The following CD8B variants were observed in gnomAD, a reference collection of about 807,000 sequenced individuals.
CD8B encodes the protein CD8 subunit beta.
A neutral mutation model predicts 24.2 loss-of-function variants in CD8B; 6 were observed. The observed-to-expected ratio is 0.25, with a 90% CI of 0.14 to 0.49. The LOEUF is 0.49. Among genes scored for constraint, CD8B ranks in the 20% least tolerant of loss-of-function variants. The pLI, the probability that CD8B is intolerant of heterozygous loss-of-function variation, is 0.98. For missense variants in CD8B, 196 were observed against 271.3 expected, an observed-to-expected ratio of 0.72 and a Z score of 1.95; for synonymous variants, 84 against 108.3, an observed-to-expected ratio of 0.78 and a Z score of 1.39.
intron 4 of CD8B, among the ~76,000 whole-genome samples, chr2:86,845,198 A>G (rs910107765): frequency 2.6e-5 from 4 of 152,206 alleles, no homozygotes; most frequent in African/African-American, 9.7e-5. Context: ...AGAGTGAGTG[A>G]ATTACTGGAT....
downstream of CD8B, among the ~76,000 whole-genome samples, chr2:86,836,205 C>T (rs1489331470): frequency 6.6e-6 from 1 of 152,044 alleles, no homozygotes; most frequent in African/African-American, 2.4e-5. Flanking sequence ...TTGTGGGGGC[C>T]TAAGGACTTT....
At chr2:86,851,369 A>G (rs1417256817) in intron 3 of CD8B, among the ~76,000 whole-genome samples, 1 of 152,128 alleles carries the variant, frequency 6.6e-6, no homozygotes, top group Non-Finnish European at 1.5e-5. Context: ...CAGCCGTAGC[A>G]CACAACCGGT....
intron 5 of CD8B, among the ~76,000 whole-genome samples, chr2:86,831,327 G>A (rs1003556307): frequency 2.6e-5 from 4 of 151,996 alleles, no homozygotes; most frequent in Non-Finnish European, 5.9e-5. Context: ...TCGACCTCCC[G>A]AAATGCTAGG....
downstream of CD8B, among the ~76,000 whole-genome samples, chr2:86,835,719 C>G (rs533583519): frequency 3.9e-3 from 581 of 150,696 alleles, no homozygotes; most frequent in African/African-American, 0.013. Context: ...CTCACCCAAC[C>G]GCAGAGACCT....
chr2:86,847,301 C>T (rs1201468122), intron 3 of CD8B, among the ~76,000 whole-genome samples: 1 of 152,020 alleles, frequency 6.6e-6, no homozygotes, highest in Non-Finnish European at 1.5e-5. Flanking sequence ...ATTTCATGTC[C>T]CACATTCAAA....
chr2:86,844,079 A>G (rs1319628115), intron 5 of CD8B, among the ~76,000 whole-genome samples: 2 of 152,228 alleles, frequency 1.3e-5, no homozygotes, highest in Non-Finnish European at 2.9e-5. Flanking sequence ...AAATGCAGGA[A>G]TGCTGCCCTG....
rs762132342 is a variant in CD8B at position 86,858,295 on chromosome 2, C to T, written c.165G>A (p.Leu55=). ...ISLSNMRIYW[L]RQRQAPSSDS... ...CACTGCTCGGTGCCTGGCGCTGTCT[C>T]AGCCAGTAGATGCGCATGTTACTGA... Residue 55 remains leucine, a synonymous_variant, in exon 2 of 6, where the codon CTG becomes CTA. Transcript: ENST00000390655. The T allele has an allele frequency of 6.2e-7, 1 of 1,614,030 alleles. No homozygotes were observed. Among genetic ancestry groups the T allele is most frequent in the South Asian group, 1.1e-5 (1 of 91,076 alleles).
chr2:86,829,266 C>G (rs1674816290), intron 5 of CD8B, among the ~76,000 whole-genome samples: 1 of 151,626 alleles, frequency 6.6e-6, no homozygotes, highest in African/African-American at 2.4e-5. Context: ...GCCACCATGC[C>G]CGGCTAATTT....
downstream of CD8B, among the ~76,000 whole-genome samples, chr2:86,835,955 C>T (rs910852087): frequency 2.0e-5 from 3 of 151,874 alleles, no homozygotes; most frequent in African/African-American, 4.8e-5. Flanking sequence ...AATGAAAGCC[C>T]GTGGGGTTAG....
chr2:86,845,120 G>T, intron 4 of CD8B, among the ~76,000 whole-genome samples, 162 bp from the exon 5 acceptor site: 1 of 152,236 alleles, frequency 6.6e-6, no homozygotes, highest in East Asian at 1.9e-4. Flanking sequence ...TCCCCTTAAT[G>T]CTCACTGAAA....
intron 5 of CD8B, among the ~76,000 whole-genome samples, chr2:86,824,840 A>G (rs944550186): frequency 6.6e-6 from 1 of 152,138 alleles, no homozygotes; most frequent in Admixed American, 6.5e-5. Context: ...CGCTTCCAGA[A>G]TCTTTAGAAC....
chr2:86,822,535 C>T (rs1239106573), intron 5 of CD8B, among the ~76,000 whole-genome samples: 3 of 152,132 alleles, frequency 2.0e-5, no homozygotes, highest in African/African-American at 7.2e-5. Flanking sequence ...GAAAGGTTGA[C>T]AAGGAAAACG....
intron 5 of CD8B, among the ~76,000 whole-genome samples, chr2:86,826,531 C>A (rs980720881): frequency 6.6e-6 from 1 of 152,100 alleles, no homozygotes; most frequent in Non-Finnish European, 1.5e-5. Flanking sequence ...TGGCCATGGA[C>A]TTGGGTGCAT....
At chr2:86,857,590 C>G (rs1353848045) in intron 2 of CD8B, among the ~76,000 whole-genome samples, 1 of 152,082 alleles carries the variant, frequency 6.6e-6, no homozygotes, top group Non-Finnish European at 1.5e-5. Flanking sequence ...TGTGGTGGCT[C>G]ATGCCTGTAA....
At chr2:86,817,452 A>G (rs1674297868) in intron 5 of CD8B, among the ~76,000 whole-genome samples, 1 of 152,214 alleles carries the variant, frequency 6.6e-6, no homozygotes, top group Admixed American at 6.5e-5. Context: ...GACACAATAA[A>G]TGAACTAGAT....
At chr2:86,858,558 A>G in intron 1 of CD8B, 142 bp from the exon 2 acceptor site, 1 of 1,434,678 alleles carries the variant, frequency 7.0e-7, no homozygotes, top group Admixed American at 2.8e-5. Flanking sequence ...TGTTGAGCGC[A>G]GCTGTTGGCT....
intron 5 of CD8B, among the ~76,000 whole-genome samples, chr2:86,817,848 C>T (rs1209053712): frequency 6.6e-6 from 1 of 152,078 alleles, no homozygotes; most frequent in Non-Finnish European, 1.5e-5. Flanking sequence ...AGTATGTTAC[C>T]TTCAGTAGTT....
Position 86,858,117 on chromosome 2 carries a change from A to G in CD8B, c.343T>C (p.Phe115Leu). 6.2e-7 allele frequency: 1 copy of G among 1,613,988 alleles called. No individual in the cohort carries two copies. Among genetic ancestry groups the G allele is most frequent in the South Asian group, 1.1e-5 (1 of 91,078 alleles). Residue 115 changes from phenylalanine (F) to leucine (L), a missense_variant, in exon 2 of 6, where the codon TTC becomes CTC. By Grantham distance (22) the Phe-to-Leu change is conservative. Coordinates refer to ENST00000390655, the MANE Select transcript of CD8B (RefSeq NM_004931.5). ...SVKPEDSGIY[F>L]CMIVGSPELT... ...TCGGGGCTCCCGACGATCATGCAGA[A>G]GTAGATGCCACTGTCTTCCGGCTTC... is the stretch of plus-strand genomic sequence containing the variant.
At chr2:86,853,126 A>T (rs1676058727) in intron 2 of CD8B, 40 bp from the exon 3 acceptor site, 20 of 1,547,538 alleles carry the variant, frequency 1.3e-5, no homozygotes, top group Non-Finnish European at 1.6e-5. Flanking sequence ...AGCCAAGTGA[A>T]CACCACGTGG....
Sources: gnomAD v4.1 joint callset for allele counts (sites outside exome capture counted in the v4.1 genomes callset) on GRCh38, gnomAD v4.1.1 for gene constraint, MANE v1.5 for transcripts, NCBI Gene and HGNC (gene_info 2026-07-23, HGNC 2026-07-21) for gene names.